RALYL: variants seen among roughly 807,000 people sequenced by gnomAD.
The protein encoded by RALYL is RNA-binding Raly-like protein.
In RALYL, 29 loss-of-function variants were observed where a neutral mutation model predicts 35.1. The observed-to-expected ratio is 0.83, with a 90% CI of 0.61 to 1.13. The LOEUF (loss-of-function observed/expected upper bound fraction) is 1.13. Among genes scored for constraint, RALYL ranks in the 50% most tolerant of loss-of-function variants. The pLI, the probability that RALYL is intolerant of heterozygous loss-of-function variation, is 0.00. For synonymous variants in RALYL, 120 were observed against 127.6 expected (o/e 0.94, Z 0.40); for missense variants, 359 against 360.4 (o/e 1.00, Z 0.03).
At chr8:84,459,444 C>T (rs192976252) in intron 1 of RALYL, among the ~76,000 whole-genome samples, 2 of 151,668 alleles carry the variant, frequency 1.3e-5, no homozygotes, top group Non-Finnish European at 3.0e-5. Flanking sequence ...AGTAAACAAA[C>T]ATAAAATGGG....
intron 1 of RALYL, among the ~76,000 whole-genome samples, chr8:84,504,595 T>C (rs921177158): frequency 6.6e-6 from 1 of 152,106 alleles, no homozygotes; most frequent in African/African-American, 2.4e-5. Flanking sequence ...GAATGGCTAA[T>C]CAAATAATAT....
intron 1 of RALYL, among the ~76,000 whole-genome samples, chr8:84,199,544 A>G (rs2130982964): frequency 6.6e-6 from 1 of 152,228 alleles, no homozygotes; most frequent in South Asian, 2.1e-4. Context: ...TTATGCTCGT[A>G]GGATATTACT....
intron 1 of RALYL, among the ~76,000 whole-genome samples, chr8:84,487,702 G>T (rs923265268): frequency 1.3e-5 from 2 of 151,974 alleles, no homozygotes; most frequent in Non-Finnish European, 2.9e-5. Flanking sequence ...ATCAAAAAAT[G>T]GACTGCAAAG....
At chr8:84,663,687 G>T (rs1244169334) in intron 2 of RALYL, among the ~76,000 whole-genome samples, 1 of 151,890 alleles carries the variant, frequency 6.6e-6, no homozygotes, top group Non-Finnish European at 1.5e-5. Flanking sequence ...TTGTAAAATT[G>T]TTTATGTTCC....
rs73300169 is a variant in RALYL at position 84,782,994 on chromosome 8, T to G, written c.332+8340T>G. Among the ~76,000 whole-genome samples, 815 of 84,744 alleles carry G rather than the reference T, an allele frequency of 9.6e-3. 6 individuals carry two copies. Among genetic ancestry groups the G allele is most frequent in the African/African-American group, 0.053 (776 of 14,508 alleles). The allele number at this position is 84,744 out of a possible 152,430, so 55.6% of individuals were successfully genotyped here. The stretch of plus-strand genomic sequence containing the variant: ...CTTGAGCGTCCAACCTATGATAAAT[T>G]TGTAAGTCCATTGTTTGTTTTAATT... On this transcript the variant is annotated intron_variant, in intron 3 of 8. Coordinates refer to ENST00000521268, the MANE Select transcript of RALYL (RefSeq NM_173848.7).
chr8:84,203,809 C>G (rs185704325), intron 1 of RALYL, among the ~76,000 whole-genome samples: 5 of 152,184 alleles, frequency 3.3e-5, no homozygotes, highest in Non-Finnish European at 7.4e-5. Context: ...TTCTCATATT[C>G]TGGCATTCAT....
intron 2 of RALYL, among the ~76,000 whole-genome samples, chr8:84,533,332 A>G (rs1191182551): frequency 6.6e-6 from 1 of 152,176 alleles, no homozygotes; most frequent in Admixed American, 6.5e-5. Flanking sequence ...TAAATGCTTA[A>G]TAGAGACAAT....
chr8:84,316,859 C>G (rs1309965695), intron 1 of RALYL, among the ~76,000 whole-genome samples: 1 of 152,108 alleles, frequency 6.6e-6, no homozygotes, highest in Non-Finnish European at 1.5e-5. Context: ...CATTTGAAGT[C>G]AGTAGAGAGC....
At chr8:84,191,164 T>C (rs150893667) in intron 1 of RALYL, among the ~76,000 whole-genome samples, 1 of 138,278 alleles carries the variant, frequency 7.2e-6, no homozygotes, top group Non-Finnish European at 1.5e-5. Flanking sequence ...GGATTGTATG[T>C]GTCGTGTGTG....
At chr8:84,507,918 T>TTAAGTA (rs942727042) in intron 1 of RALYL, among the ~76,000 whole-genome samples, 5 of 152,114 alleles carry the variant, frequency 3.3e-5, no homozygotes, top group Non-Finnish European at 7.3e-5. Context: ...AGGAGGAAAA[T>TTAAGTA]TAAGTATGTA....
intron 2 of RALYL, among the ~76,000 whole-genome samples, chr8:84,616,772 G>A (rs1188262753): frequency 6.6e-6 from 1 of 151,708 alleles, no homozygotes; most frequent in Non-Finnish European, 1.5e-5. Context: ...TTTTGTATAA[G>A]GTGTAAGGAA....
At chr8:84,523,768 TG>T in intron 1 of RALYL, among the ~76,000 whole-genome samples, 1 of 150,998 alleles carries the variant, frequency 6.6e-6, no homozygotes, top group African/African-American at 2.4e-5. Flanking sequence ...ATGCGGTGTT[TG>T]GTTTTTTGTT....
rs1200629400 is a variant in RALYL at position 84,726,227 on chromosome 8, T to TA, written c.257-48352_257-48351insA. On this transcript the variant is annotated intron_variant, in intron 2 of 8. Coordinates refer to ENST00000521268, the MANE Select transcript of RALYL (RefSeq NM_173848.7). ...AATAAAATTGTGTATAATTTTATTT[T>TA]TATATATAAATATATATAATTATAT... Among the ~76,000 whole-genome samples the TA allele has an allele frequency of 1.0e-4, 15 of 147,158 alleles. No individual in the cohort carries two copies. In the East Asian group the frequency reaches 2.9e-3, roughly 29 times the overall value.
At chr8:84,911,599 T>C (rs1356879049) in intron 8 of RALYL, among the ~76,000 whole-genome samples, 1 of 152,062 alleles carries the variant, frequency 6.6e-6, no homozygotes, top group Non-Finnish European at 1.5e-5. Context: ...CTATAGTTGA[T>C]TCAGTTCACA....
chr8:84,528,704 C>A (rs959956899), intron 1 of RALYL, among the ~76,000 whole-genome samples: 3 of 151,932 alleles, frequency 2.0e-5, no homozygotes, highest in African/African-American at 7.3e-5. Context: ...CTGGCTAAGT[C>A]GCTTATTTTT....
At position 84,295,095 on chromosome 8, in the gene RALYL, T is replaced by A. The variant is rs998198129; in HGVS notation, c.-24+110671T>A. 1.6e-4 allele frequency among the ~76,000 whole-genome samples: 25 copies of A among 152,054 alleles called. No individual in the cohort carries two copies. The East Asian group carries it at 4.5e-3, about 27-fold the overall frequency. The stretch of plus-strand genomic sequence containing the variant: ...AACCTGAAATTGTTTCTTATCTGGG[T>A]AAGAGAGAATGCAATCTCACAAAGA... On this transcript the variant is annotated intron_variant, in intron 1 of 8. Transcript: ENST00000521268.
chr8:84,227,725 T>C (rs1824299460), intron 1 of RALYL, among the ~76,000 whole-genome samples: 1 of 152,206 alleles, frequency 6.6e-6, no homozygotes, highest in Admixed American at 6.5e-5. Context: ...TATGGAATAA[T>C]GTAAAGTTAA....
rs143469196 is a variant in RALYL, at chr8:84,345,677, G to A, written c.-24+161253G>A. Among the ~76,000 whole-genome samples the A allele has an allele frequency of 7.2e-5, 11 of 151,826 alleles. No homozygotes were observed. In the East Asian group the frequency reaches 1.9e-3, roughly 27 times the overall value. ...TTTCTCCCTGTCTACCTTCCTTCAC[G>A]CCCTAATATATAGAAACACATCTCA... On this transcript the variant is annotated intron_variant, in intron 1 of 8. Transcript: ENST00000521268.
chr8:84,336,339 C>T (rs1847801286), intron 1 of RALYL, among the ~76,000 whole-genome samples: 1 of 152,094 alleles, frequency 6.6e-6, no homozygotes, highest in South Asian at 2.1e-4. Context: ...AATTTCAACC[C>T]AGGCTTTTTT....
Sources: allele counts gnomAD v4.1 joint callset (sites outside exome capture counted in the v4.1 genomes callset), GRCh38; gene constraint gnomAD v4.1.1; transcripts MANE v1.5; gene names NCBI Gene and HGNC (gene_info 2026-07-23, HGNC 2026-07-21).